SYTL2: variants seen among roughly 807,000 people sequenced by gnomAD.
The protein encoded by SYTL2 is synaptotagmin like 2.
In SYTL2, 165 loss-of-function variants were observed where a neutral mutation model predicts 198.7. That is an observed-to-expected ratio of 0.83 (90% CI 0.73 to 0.94). SYTL2 has a LOEUF of 0.94. Ranked by LOEUF, SYTL2 falls within the 40% of genes least tolerant of loss-of-function variation. SYTL2 has a pLI of 0.00. For missense variants in SYTL2, 2,835 were observed against 2,582.8 expected, an observed-to-expected ratio of 1.10 and a Z score of -2.12; for synonymous variants, 966 against 917.7, an observed-to-expected ratio of 1.05 and a Z score of -0.95.
chr11:85,742,758 C>T (rs1012810092), intron 4 of SYTL2, among the ~76,000 whole-genome samples: 4 of 152,118 alleles, frequency 2.6e-5, no homozygotes, highest in African/African-American at 9.7e-5. Context: ...CAAAACTAGT[C>T]CTTCACTACA....
chr11:85,802,018 G>T (rs2092896431), intron 1 of SYTL2, among the ~76,000 whole-genome samples: 1 of 151,490 alleles, frequency 6.6e-6, no homozygotes. Flanking sequence ...GTTTTACTAT[G>T]TTAGCCAGGC....
At chr11:85,704,770 CTCTGAA>C (rs1239898209) in intron 16 of SYTL2, 82 bp downstream of exon 16, 2 of 1,079,406 alleles carry the variant, frequency 1.9e-6, no homozygotes, top group Non-Finnish European at 2.7e-6. Flanking sequence ...CAGATCTGTA[CTCTGAA>C]TTAAATGCAA....
the SYTL2 span, among the ~76,000 whole-genome samples, chr11:85,842,314 G>T: frequency 6.6e-6 from 1 of 152,154 alleles, no homozygotes; most frequent in Non-Finnish European, 1.5e-5. Flanking sequence ...CAGTGGGTAG[G>T]GGCATGGTTA....
At chr11:85,732,512 T>C (rs1565943798) in intron 7 of SYTL2, among the ~76,000 whole-genome samples, 1 of 151,990 alleles carries the variant, frequency 6.6e-6, no homozygotes, top group Non-Finnish European at 1.5e-5. Context: ...AACCACCGCA[T>C]GTTCTCACCC....
At chr11:85,764,790 G>A (rs932377052) in intron 1 of SYTL2, among the ~76,000 whole-genome samples, 1 of 152,186 alleles carries the variant, frequency 6.6e-6, no homozygotes, top group African/African-American at 2.4e-5. Flanking sequence ...GGGAAAAAAG[G>A]CATCTGTGTC....
chr11:85,827,743 A>G, the SYTL2 span, among the ~76,000 whole-genome samples: 2 of 152,232 alleles, frequency 1.3e-5, no homozygotes, highest in Non-Finnish European at 2.9e-5. Context: ...AAATGTTGAC[A>G]GCCCCTCCAC....
chr11:85,779,105 A>G (rs1294988796), intron 1 of SYTL2, among the ~76,000 whole-genome samples: 2 of 152,152 alleles, frequency 1.3e-5, no homozygotes, highest in Non-Finnish European at 2.9e-5. Context: ...TTTAGTTCTC[A>G]GTCATTTGCA....
chr11:85,842,422 G>C, the SYTL2 span, among the ~76,000 whole-genome samples: 4 of 152,144 alleles, frequency 2.6e-5, no homozygotes, highest in African/African-American at 9.7e-5. Context: ...TCACCCTTTG[G>C]GTAAGACAAT....
intron 1 of SYTL2, among the ~76,000 whole-genome samples, chr11:85,763,116 C>G (rs1446817042): frequency 6.6e-6 from 1 of 152,168 alleles, no homozygotes; most frequent in Non-Finnish European, 1.5e-5. Context: ...AGTTGAATGA[C>G]TTCTCTAAGT....
At chr11:85,833,331 C>A in the SYTL2 span, among the ~76,000 whole-genome samples, 1,471 of 146,676 alleles carry the variant, frequency 0.01, 14 homozygotes, top group African/African-American at 0.033. Context: ...CAATATATAT[C>A]ATATATATCA....
chr11:85,719,339 G>A, intron 9 of SYTL2: 1 of 1,150,660 alleles, frequency 8.7e-7, no homozygotes, highest in Non-Finnish European at 1.1e-6. Flanking sequence ...GCAGGCTAGT[G>A]TGAGAGTGGG....
chr11:85,713,662 C>G (rs898294060), intron 12 of SYTL2, among the ~76,000 whole-genome samples: 7 of 152,166 alleles, frequency 4.6e-5, no homozygotes, highest in African/African-American at 1.7e-4. Flanking sequence ...GCTCTTTCTT[C>G]ATTTGTAAAA....
At chr11:85,748,548 C>G in intron 2 of SYTL2, 125 bp from the exon 3 acceptor site, 1 of 1,026,314 alleles carries the variant, frequency 9.7e-7, no homozygotes, top group Non-Finnish European at 1.4e-6. Flanking sequence ...TCAGATGATC[C>G]CAGAAACTTC....
At chr11:85,698,100 A>T in intron 17 of SYTL2, 22 bp from the exon 18 acceptor site, 1 of 1,541,186 alleles carries the variant, frequency 6.5e-7, no homozygotes, top group Non-Finnish European at 9.0e-7. Context: ...AAAGAAGAGA[A>T]AATTTTCACT....
the SYTL2 span, among the ~76,000 whole-genome samples, chr11:85,818,406 G>T: frequency 6.6e-6 from 1 of 152,170 alleles, no homozygotes; most frequent in Non-Finnish European, 1.5e-5. Context: ...ATTAGGGTTT[G>T]CTGTTGATTC....
intron 1 of SYTL2, among the ~76,000 whole-genome samples, chr11:85,794,960 T>A (rs2153634366): frequency 6.6e-6 from 1 of 152,026 alleles, no homozygotes; most frequent in Middle Eastern, 3.4e-3. Flanking sequence ...ACAATATCAC[T>A]AAGGAGAGGT....
Position 85,724,870 on chromosome 11 carries a change from T to C in SYTL2, c.4488A>G (p.Glu1496=), listed in dbSNP as rs1472014541. ...GTAGTTTTTCTAAGCCAGCACTGAA[T>C]TCGAGGAACTCTGATTTGGGTTGAA... ...TIVQPKSEFL[E]FSAGLEKLLK... The change falls in exon 8 of 20, where the codon GAA becomes GAG. Residue 1496 remains glutamate, a synonymous_variant. Coordinates refer to ENST00000359152, the MANE Select transcript of SYTL2 (RefSeq NM_206927.4). 3.7e-6 allele frequency: 6 copies of C among 1,614,134 alleles called. No individual in the cohort carries two copies. Among genetic ancestry groups the C allele is most frequent in the Non-Finnish European group, 8.5e-7 (1 of 1,179,998 alleles).
chr11:85,755,034 T>A (rs1005525251), intron 2 of SYTL2, among the ~76,000 whole-genome samples: 13 of 152,058 alleles, frequency 8.5e-5, no homozygotes, highest in African/African-American at 1.9e-4. Context: ...CAAAAAAAAA[T>A]TTCATAGTTA....
the SYTL2 span, among the ~76,000 whole-genome samples, chr11:85,848,613 A>G: frequency 6.6e-6 from 1 of 152,300 alleles, no homozygotes; most frequent in South Asian, 2.1e-4. Context: ...TATATGTACA[A>G]GTATGTTTCT....
Sources: allele counts gnomAD v4.1 joint callset (sites outside exome capture counted in the v4.1 genomes callset), GRCh38; gene constraint gnomAD v4.1.1; transcripts MANE v1.5; gene names NCBI Gene and HGNC (gene_info 2026-07-23, HGNC 2026-07-21).